The following PCDHA11 variants were observed in gnomAD, a reference collection of about 807,000 sequenced individuals.
PCDHA11 encodes protocadherin alpha-11.
PCDHA11 carries 61 observed loss-of-function variants against 70.3 expected under a neutral mutation model. The observed-to-expected ratio is 0.87, with a 90% CI of 0.71 to 1.07. PCDHA11 has a LOEUF of 1.07. PCDHA11 is among the 50% of genes least tolerant of loss of function. The probability of loss-of-function intolerance (pLI) is 0.00; values close to 1 mark genes in which losing one functional copy is unlikely to be tolerated. For synonymous variants in PCDHA11, 633 were observed against 555.1 expected, an observed-to-expected ratio of 1.14 and a Z score of -1.97; for missense variants, 1,324 against 1,237.5, an observed-to-expected ratio of 1.07 and a Z score of -1.05.
At chr5:140,966,998 C>A in intron 1 of PCDHA11, 1 of 1,604,774 alleles carries the variant, frequency 6.2e-7, no homozygotes, top group Non-Finnish European at 8.5e-7. Flanking sequence ...GGGTTGCTTG[C>A]GCATCAACCA....
intron 3 of PCDHA11, 162 bp downstream of exon 3, chr5:140,982,725 A>G (rs2096999365): frequency 1.1e-6 from 1 of 902,882 alleles, no homozygotes; most frequent in African/African-American, 1.8e-5. Flanking sequence ...GATTATTTTG[A>G]TTTTATACCT....
chr5:140,959,592 G>A (rs2095498598), intron 1 of PCDHA11, among the ~76,000 whole-genome samples: 2 of 152,162 alleles, frequency 1.3e-5, no homozygotes, highest in South Asian at 4.1e-4. Flanking sequence ...TATCAGCCAA[G>A]TATAACATGC....
intron 1 of PCDHA11, chr5:140,927,406 G>A (rs782729912): frequency 1.2e-6 from 2 of 1,614,210 alleles, no homozygotes; most frequent in Admixed American, 1.7e-5. Flanking sequence ...CTTTCGCCTG[G>A]ACATGGGATC....
At chr5:140,891,317 C>A (rs2063039508) in intron 1 of PCDHA11, among the ~76,000 whole-genome samples, 1 of 151,808 alleles carries the variant, frequency 6.6e-6, no homozygotes, top group South Asian at 2.1e-4. Context: ...TGAGTAAGTT[C>A]TTTGGTGGTG....
chr5:140,941,231 C>CTT (rs1554214107), intron 1 of PCDHA11, among the ~76,000 whole-genome samples: 1 of 136,770 alleles, frequency 7.3e-6, no homozygotes, highest in African/African-American at 2.8e-5. Context: ...TTCTTTCTTT[C>CTT]TTTCTTTCTT....
At position 140,869,577 on chromosome 5, in the gene PCDHA11, T is replaced by C; in HGVS notation, c.474T>C (p.Ser158=). The C allele has an allele frequency of 1.2e-6, 2 of 1,614,188 alleles. No individual in the cohort carries two copies. Among genetic ancestry groups the C allele is most frequent in the Non-Finnish European group, 8.5e-7 (1 of 1,180,044 alleles). Residue 158 remains serine (S), a synonymous_variant, in exon 1 of 4, where the codon TCT becomes TCC. Coordinates refer to ENST00000398640, the MANE Select transcript of PCDHA11 (RefSeq NM_018902.5). The part of the protein sequence containing the change: ...SDSRFPLEGA[S]DADIEENALL... The stretch of plus-strand genomic sequence containing the variant: ...CGCGTTTTCCACTAGAGGGAGCTTC[T>C]GATGCTGACATTGAAGAGAATGCTC...
intron 3 of PCDHA11, among the ~76,000 whole-genome samples, chr5:140,986,211 C>T (rs1257937611): frequency 1.3e-5 from 2 of 152,126 alleles, no homozygotes; most frequent in African/African-American, 2.4e-5. Flanking sequence ...GATTACTGGC[C>T]CCTTTCTCTA....
chr5:140,995,543 G>A (rs1243799532), intron 3 of PCDHA11, among the ~76,000 whole-genome samples: 1 of 152,144 alleles, frequency 6.6e-6, no homozygotes, highest in Non-Finnish European at 1.5e-5. Context: ...AATAAGGGGC[G>A]ATCACTGTAC....
chr5:140,883,162 C>T, intron 1 of PCDHA11: 2 of 1,613,808 alleles, frequency 1.2e-6, no homozygotes, highest in Non-Finnish European at 1.7e-6. Flanking sequence ...TAAATCCGAA[C>T]AATGGAGAAA....
intron 1 of PCDHA11, among the ~76,000 whole-genome samples, chr5:140,873,132 A>G (rs2054118651): frequency 6.6e-6 from 1 of 152,212 alleles, no homozygotes; most frequent in Non-Finnish European, 1.5e-5. Flanking sequence ...CAAAGAGTCT[A>G]TGCTGAAGCC....
At chr5:140,979,083 C>T (rs563728648) in intron 2 of PCDHA11, 76 bp downstream of exon 2, 207 of 1,562,578 alleles carry the variant, frequency 1.3e-4, no homozygotes, top group Admixed American at 6.5e-4. Context: ...TCTCCATAGG[C>T]CAGAAGCAGC....
chr5:140,966,589 GGCCAGGA>G (rs1554228448), intron 1 of PCDHA11: 2 of 580,716 alleles, frequency 3.4e-6, no homozygotes, highest in Non-Finnish European at 5.5e-6. Flanking sequence ...AGGACGGTGG[GGCCAGGA>G]GCCCTTGGGA....
chr5:140,966,586 TG>T (rs1297938804), intron 1 of PCDHA11: 39 of 548,908 alleles, frequency 7.1e-5, no homozygotes, highest in Non-Finnish European at 1.1e-4. Flanking sequence ...GCGAGGACGG[TG>T]GGGCCAGGAG....
chr5:140,992,857 CTCT>C (rs2097531206), intron 3 of PCDHA11, among the ~76,000 whole-genome samples: 2 of 152,148 alleles, frequency 1.3e-5, no homozygotes, highest in Non-Finnish European at 2.9e-5. Context: ...ACCAGTTTCA[CTCT>C]AGCTCCCTCC....
rs529433053 is a variant in PCDHA11 at position 140,985,961 on chromosome 5, A to C, written c.2539+3398A>C. Among the ~76,000 whole-genome samples, 18 of 151,982 alleles carry C rather than the reference A, an allele frequency of 1.2e-4. 1 individual carries two copies. In the South Asian group the frequency reaches 3.3e-3, roughly 28 times the overall value. On this transcript the variant is annotated intron_variant, in intron 3 of 3. Transcript: ENST00000398640. Reference sequence around the variant, plus strand: ...TCACTGTGTTAGCCAGGATGGTCTCAATCTCCTGACCTCGTGATCCGCCCA... The same window carrying C: ...TCACTGTGTTAGCCAGGATGGTCTCCATCTCCTGACCTCGTGATCCGCCCA...
In PCDHA11 at chr5:140,918,657, T is replaced by G. The variant is rs116489086; in HGVS notation, c.2391+47163T>G. Among the ~76,000 whole-genome samples, 1,219 of 152,370 alleles carry G rather than the reference T, an allele frequency of 8.0e-3. 6 individuals are homozygous for G. The highest frequency in any genetic ancestry group is 0.019 in the African/African-American group (787 of 41,596). ...CATAAATTGAAACCTAATTCTCATG[T>G]TGATGGTATGAAGAGGTGAGACCTT... On this transcript the variant is annotated intron_variant, in intron 1 of 3. Coordinates refer to ENST00000398640, the MANE Select transcript of PCDHA11 (RefSeq NM_018902.5).
At chr5:140,905,842 T>C (rs2072141061) in intron 1 of PCDHA11, among the ~76,000 whole-genome samples, 1 of 152,148 alleles carries the variant, frequency 6.6e-6, no homozygotes, top group Non-Finnish European at 1.5e-5. Flanking sequence ...GGGGAGTTTA[T>C]TAAGGAGTAT....
intron 1 of PCDHA11, chr5:140,927,490 C>G: frequency 1.2e-6 from 2 of 1,614,132 alleles, no homozygotes; most frequent in Non-Finnish European, 8.5e-7. Flanking sequence ...CGCCACCCAC[C>G]TGCTGGTGCT....
chr5:140,887,361 G>T (rs2061424710), intron 1 of PCDHA11, among the ~76,000 whole-genome samples: 1 of 152,144 alleles, frequency 6.6e-6, no homozygotes, highest in South Asian at 2.1e-4. Flanking sequence ...CTCCCAAAGT[G>T]CTGGGATTAC....
Sources: allele counts gnomAD v4.1 joint callset (sites outside exome capture counted in the v4.1 genomes callset), GRCh38; gene constraint gnomAD v4.1.1; transcripts MANE v1.5; gene names NCBI Gene and HGNC (gene_info 2026-07-23, HGNC 2026-07-21).